The following PHKG2 variants were observed in gnomAD, a reference collection of about 807,000 sequenced individuals.
PHKG2 encodes the protein phosphorylase kinase catalytic subunit gamma 2.
In PHKG2, 28 loss-of-function variants were observed where a neutral mutation model predicts 44.5. That is an observed-to-expected ratio of 0.63 (90% CI 0.47 to 0.86). The LOEUF (loss-of-function observed/expected upper bound fraction) is 0.86, where lower values mean the gene tolerates loss of function less well. Ranked by LOEUF, PHKG2 falls within the 40% of genes least tolerant of loss-of-function variation. The pLI is 0.00. For synonymous variants in PHKG2, 220 were observed against 211.2 expected (o/e 1.04, Z -0.36); for missense variants, 498 against 547.5 (o/e 0.91, Z 0.90).
At position 30,751,345 on chromosome 16, in the gene PHKG2, A is replaced by G. The variant is rs147288462; in HGVS notation, c.271+64A>G. Reference sequence around the variant, plus strand: ...CCCACCTCCTGCTGGCCCTGCCCATAGCCCACTTCCGCCAACATTGCCTCC... The same window carrying G: ...CCCACCTCCTGCTGGCCCTGCCCATGGCCCACTTCCGCCAACATTGCCTCC... On this transcript the variant is annotated intron_variant, in intron 3 of 9. Transcript: ENST00000563588. The G allele has an allele frequency of 8.8e-5, 137 of 1,556,212 alleles. No homozygotes were observed. The African/African-American group carries it at 1.7e-3, about 20-fold the overall frequency.
chr16:30,751,781 G>C, intron 4 of PHKG2, 178 bp downstream of exon 4: 2 of 735,990 alleles, frequency 2.7e-6, no homozygotes. Flanking sequence ...TTGGTGCCAT[G>C]ATTGAGGCAA....
At chr16:30,750,543 A>G (rs908917475) in intron 2 of PHKG2, among the ~76,000 whole-genome samples, 1 of 152,198 alleles carries the variant, frequency 6.6e-6, no homozygotes, top group South Asian at 2.1e-4. Context: ...ATGCCCTTCA[A>G]CATCCCTTCA....
At chr16:30,754,188 C>CA (rs2053387579) in intron 6 of PHKG2, among the ~76,000 whole-genome samples, 1 of 143,598 alleles carries the variant, frequency 7.0e-6, no homozygotes, top group Non-Finnish European at 1.5e-5. Context: ...TTTTTTGAGA[C>CA]AGAGTCTCAC....
In PHKG2 at chr16:30,751,172, T is replaced by G. The variant is rs199854449; in HGVS notation, c.162T>G (p.Ile54Met). The G allele has an allele frequency of 2.5e-6, 4 of 1,613,954 alleles. No homozygotes were observed. The highest frequency in any genetic ancestry group is 1.1e-5 in the South Asian group (1 of 91,086). The change falls in exon 3 of 10, where the codon ATT (isoleucine) becomes ATG (methionine). Residue 54 changes from isoleucine (I) to methionine (M), a missense_variant. By Grantham distance (10) the Ile-to-Met change is conservative. Transcript: ENST00000563588. ...CTGGCCACGAGTTTGCGGTGAAGATTATGGAAGTGACAGCTGAGCGGCTGA... is the reference window on the plus strand; with the variant it reads ...CTGGCCACGAGTTTGCGGTGAAGATGATGGAAGTGACAGCTGAGCGGCTGA... Reference protein sequence around the residue: ...RATGHEFAVKIMEVTAERLSP... With the variant: ...RATGHEFAVKMMEVTAERLSP...
At chr16:30,755,676 CA>C (rs1233726156) in intron 6 of PHKG2, among the ~76,000 whole-genome samples, 7 of 145,378 alleles carry the variant, frequency 4.8e-5, no homozygotes, top group Middle Eastern at 3.5e-3. Context: ...ACTCCATCTC[CA>C]AAAAAAAAAG....
rs959964853 is a variant in PHKG2, at chr16:30,760,618, G to C, written c.*3521G>C. The C allele has an allele frequency of 6.4e-7, 1 of 1,557,714 alleles. No homozygotes were observed. On this transcript the variant is annotated 3_prime_UTR_variant, in exon 10 of 10. Transcript: ENST00000563588. ...CCTCAGTCCCTACTCCCTCATCTCA[G>C]CATTGGTGGTCTTCTCCAGCTGGTG...
intron 4 of PHKG2, 132 bp from the exon 5 acceptor site, chr16:30,753,100 C>G (rs1467768931): frequency 2.6e-6 from 2 of 773,864 alleles, no homozygotes; most frequent in East Asian, 5.3e-5. Context: ...TGCTGTGTTT[C>G]TAGACCCTTT....
At chr16:30,754,670 A>G (rs1001256267) in intron 6 of PHKG2, among the ~76,000 whole-genome samples, 1 of 152,134 alleles carries the variant, frequency 6.6e-6, no homozygotes, top group Non-Finnish European at 1.5e-5. Flanking sequence ...TGGATGTTGT[A>G]CTTTAAAACC....
chr16:30,749,910 A>G (rs2053322650), intron 2 of PHKG2, among the ~76,000 whole-genome samples: 1 of 152,150 alleles, frequency 6.6e-6, no homozygotes, highest in Non-Finnish European at 1.5e-5. Context: ...AGAAAAGCAC[A>G]CCTTCTCAGG....
chr16:30,758,696 C>T lies in PHKG2; in HGVS notation c.*1599C>T. 2.8e-6 allele frequency: 1 copy of T among 353,734 alleles called. No homozygotes were observed. Among genetic ancestry groups the T allele is most frequent in the Non-Finnish European group, 5.3e-6 (1 of 187,202 alleles). 21.9% of individuals were successfully genotyped at this position (353,734 alleles called of 1,614,324 possible). A position where few individuals can be genotyped will look rare whatever the true frequency, so the allele number is the denominator to read the frequency against. The stretch of plus-strand genomic sequence containing the variant: ...TCAGCCTCCTGAGTAGCTGGGACTA[C>T]AAGCGCGCACCACCATGCCTGGCTA... On this transcript the variant is annotated 3_prime_UTR_variant, in exon 10 of 10. Transcript: ENST00000563588.
chr16:30,751,016 G>T, intron 2 of PHKG2, 90 bp from the exon 3 acceptor site: 1 of 1,366,948 alleles, frequency 7.3e-7, no homozygotes, highest in East Asian at 2.3e-5. Flanking sequence ...TCAGAGTCTG[G>T]CACAGCGGGC....
rs747784842 is a variant in PHKG2, at chr16:30,756,985, G to C, written c.1109G>C (p.Arg370Pro). 2 of 1,612,316 alleles carry C rather than the reference G, an allele frequency of 1.2e-6. No individual in the cohort carries two copies. Among genetic ancestry groups the C allele is most frequent in the Non-Finnish European group, 8.5e-7 (1 of 1,180,018 alleles). The stretch of plus-strand genomic sequence containing the variant: ...GTAAAGAAAGGGGAGCAGCAGAACC[G>C]GGCGGCTCTCTTTCAGCACCGGCCC... ...HWVKKGEQQN[R>P]AALFQHRPPG... Residue 370 changes from arginine to proline, a missense_variant, in exon 10 of 10, where the codon CGG becomes CCG. Coordinates refer to ENST00000563588, the MANE Select transcript of PHKG2 (RefSeq NM_000294.3).
rs78943999 is a variant in PHKG2 at position 30,753,698 on chromosome 16, G to A, written c.556+141G>A. The A allele has an allele frequency of 2.1e-3, 1,651 of 796,664 alleles. 13 individuals are homozygous for A. In the African/African-American group the frequency reaches 0.024, roughly 12 times the overall value. 49.3% of individuals were successfully genotyped at this position (796,664 alleles called of 1,614,324 possible). A position where few individuals can be genotyped will look rare whatever the true frequency, so the allele number is the denominator to read the frequency against. On this transcript the variant is annotated intron_variant, in intron 6 of 9. Transcript: ENST00000563588. ...GGCACTTGCCAAGTATCCTGTGGGC[G>A]CAAAGCCTATGTTTACCTCAGAGTG... is the stretch of plus-strand genomic sequence containing the variant.
At chr16:30,754,532 G>T (rs1477961553) in intron 6 of PHKG2, among the ~76,000 whole-genome samples, 2 of 152,156 alleles carry the variant, frequency 1.3e-5, no homozygotes, top group Admixed American at 6.5e-5. Context: ...GACAGTATTT[G>T]TGTCTCTTTT....
chr16:30,759,738 C>A lies in PHKG2; in HGVS notation c.*2641C>A. The A allele has an allele frequency of 1.3e-6, 2 of 1,598,980 alleles. No homozygotes were observed. Among genetic ancestry groups the A allele is most frequent in the Non-Finnish European group, 1.7e-6 (2 of 1,171,980 alleles). ...CCAAGGGGGTTGCTGGTAGGGAAAG[C>A]AAGATGCAGCAGTGAGGCCCTCTCT... On this transcript the variant is annotated 3_prime_UTR_variant, in exon 10 of 10. Coordinates refer to ENST00000563588, the MANE Select transcript of PHKG2 (RefSeq NM_000294.3).
At position 30,760,683 on chromosome 16, in the gene PHKG2, G is replaced by A. The variant is rs201327122; in HGVS notation, c.*3586G>A. 1 of 1,550,884 alleles carries A rather than the reference G, an allele frequency of 6.4e-7. No homozygotes were observed. Among genetic ancestry groups the A allele is most frequent in the Non-Finnish European group, 8.7e-7 (1 of 1,146,424 alleles). ...CCAGGTACTTCCTGTTATAGTAAAA[G>A]AAAAAGAGTATTGGTGGCCGTTACC... On this transcript the variant is annotated 3_prime_UTR_variant, in exon 10 of 10. Transcript: ENST00000563588.
Position 30,757,191 on chromosome 16 carries a change from GC to G in PHKG2, c.*97del. 1 of 1,596,364 alleles carries G rather than the reference GC, an allele frequency of 6.3e-7. No homozygotes were observed. On this transcript the variant is annotated 3_prime_UTR_variant, in exon 10 of 10. Transcript: ENST00000563588. Reference sequence around the variant, plus strand: ...TCTGGGCTCTGGCCTCTGGCCTCAGGCCCACTAATGATCCTGCTACCCTCTT... The same window carrying G: ...TCTGGGCTCTGGCCTCTGGCCTCAGGCCACTAATGATCCTGCTACCCTCTT...
At chr16:30,752,871 TC>T (rs1476927433) in intron 4 of PHKG2, 1 of 353,928 alleles carries the variant, frequency 2.8e-6, no homozygotes. Context: ...CAAAATAAGG[TC>T]CTATTCAACC....
chr16:30,751,330 G>C lies in PHKG2; in HGVS notation c.271+49G>C, dbSNP rs200482880. ...GTTAGCAGACGACCCCCCACCTCCT[G>C]CTGGCCCTGCCCATAGCCCACTTCC... On this transcript the variant is annotated intron_variant, in intron 3 of 9. Coordinates refer to ENST00000563588, the MANE Select transcript of PHKG2 (RefSeq NM_000294.3). 219 of 1,585,760 alleles carry C rather than the reference G, an allele frequency of 1.4e-4. 2 individuals carry two copies. In the East Asian group the frequency reaches 2.3e-3, roughly 17 times the overall value.
Sources: gnomAD v4.1 joint callset for allele counts (sites outside exome capture counted in the v4.1 genomes callset) on GRCh38, gnomAD v4.1.1 for gene constraint, MANE v1.5 for transcripts, NCBI Gene and HGNC (gene_info 2026-07-23, HGNC 2026-07-21) for gene names.